Variants in TBL1XR1 observed in about 807,000 individuals in gnomAD.
TBL1XR1 encodes F-box-like/WD repeat-containing protein TBL1XR1.
Under a neutral mutation model 66.9 loss-of-function variants are expected in TBL1XR1, and 5 were observed. The ratio of observed to expected loss-of-function variants is 0.07; its 90% CI spans 0.04 to 0.16. TBL1XR1 has a LOEUF of 0.16. Ranked by LOEUF, TBL1XR1 falls within the 10% of genes least tolerant of loss-of-function variation. The pLI is 1.00. For synonymous variants in TBL1XR1, 210 were observed against 206.0 expected (o/e 1.02, Z -0.17); for missense variants, 238 against 623.2 (o/e 0.38, Z 6.58).
intron 1 of TBL1XR1, among the ~76,000 whole-genome samples, chr3:177,168,755 TTAAAA>T (rs1189117247): frequency 6.6e-6 from 1 of 152,222 alleles, no homozygotes; most frequent in Non-Finnish European, 1.5e-5. Flanking sequence ...AATATTTGTA[TTAAAA>T]TAAAAATTCA....
At chr3:177,159,155 TA>T (rs918873493) in intron 1 of TBL1XR1, among the ~76,000 whole-genome samples, 89 of 143,242 alleles carry the variant, frequency 6.2e-4, no homozygotes, top group Non-Finnish European at 5.8e-4. Flanking sequence ...TCTCAATGGG[TA>T]AAAAAAAAAA....
At chr3:177,197,627 C>G (rs1487513871), upstream of TBL1XR1, among the ~76,000 whole-genome samples, 2 of 112,042 alleles carry the variant, frequency 1.8e-5, no homozygotes, top group African/African-American at 6.6e-5. Flanking sequence ...GCCGGGCGGG[C>G]GGGCGAGCGG....
At chr3:177,190,370 C>A (rs1465271419) in intron 1 of TBL1XR1, among the ~76,000 whole-genome samples, 5 of 152,080 alleles carry the variant, frequency 3.3e-5, no homozygotes, top group Non-Finnish European at 7.3e-5. Flanking sequence ...GGCTGGAGTG[C>A]AGTGGCGCAA....
At chr3:177,078,290 C>T (rs1363631631) in intron 2 of TBL1XR1, among the ~76,000 whole-genome samples, 1 of 152,062 alleles carries the variant, frequency 6.6e-6, no homozygotes, top group Non-Finnish European at 1.5e-5. Flanking sequence ...CTCTCATGCT[C>T]CAGCATATAA....
At chr3:177,180,396 C>A in intron 1 of TBL1XR1, among the ~76,000 whole-genome samples, 1 of 135,244 alleles carries the variant, frequency 7.4e-6, no homozygotes, top group Admixed American at 7.4e-5. Context: ...TTTAATAGTA[C>A]CTTGTCTGTT....
intron 2 of TBL1XR1, among the ~76,000 whole-genome samples, chr3:177,087,227 T>A (rs1016353367): frequency 1.3e-5 from 2 of 149,906 alleles, no homozygotes; most frequent in African/African-American, 2.5e-5. Context: ...CTTTTTTATT[T>A]AAAAAAAAAA....
chr3:177,034,381 A>G, intron 12 of TBL1XR1, 56 bp from the exon 13 acceptor site: 1 of 1,293,232 alleles, frequency 7.7e-7, no homozygotes, highest in Non-Finnish European at 1.0e-6. Flanking sequence ...AGTATATTTA[A>G]AATATTATTT....
Position 177,024,706 on chromosome 3 carries a change from C to CAAAAAAAAAAAAAAA in TBL1XR1, c.*791_*792insTTTTTTTTTTTTTTT, listed in dbSNP as rs1258577255. The CAAAAAAAAAAAAAAA allele has an allele frequency of 2.5e-5, 1 of 40,816 alleles. No individual in the cohort carries two copies. Among genetic ancestry groups the CAAAAAAAAAAAAAAA allele is most frequent in the Non-Finnish European group, 5.0e-5 (1 of 19,842 alleles). 2.5% of individuals were successfully genotyped at this position (40,816 alleles called of 1,614,324 possible). The stretch of plus-strand genomic sequence containing the variant: ...GCATTTAAGCCACATCACCAAAAAA[C>CAAAAAAAAAAAAAAA]AAAAAAGAAAAAAAAAAAAAAAAAG... On this transcript the variant is annotated 3_prime_UTR_variant, in exon 16 of 16. Transcript: ENST00000457928.
At chr3:177,200,942 G>A (rs1304376484), upstream of TBL1XR1, among the ~76,000 whole-genome samples, 1 of 152,064 alleles carries the variant, frequency 6.6e-6, no homozygotes, top group African/African-American at 2.4e-5. Flanking sequence ...TGGAGGCGGA[G>A]GTTGCAGTGA....
chr3:177,118,538 TAA>T (rs1355252760), intron 1 of TBL1XR1, among the ~76,000 whole-genome samples: 2 of 152,150 alleles, frequency 1.3e-5, no homozygotes, highest in Admixed American at 1.3e-4. Context: ...AGAAAGGAAA[TAA>T]AAAGACAGAC....
chr3:177,163,137 C>T (rs1017496921), intron 1 of TBL1XR1, among the ~76,000 whole-genome samples: 3 of 152,106 alleles, frequency 2.0e-5, no homozygotes, highest in African/African-American at 7.2e-5. Context: ...ACTGAGGCAA[C>T]CTGAATATCC....
chr3:177,060,197 C>T (rs1010243371), intron 3 of TBL1XR1, among the ~76,000 whole-genome samples: 5 of 152,288 alleles, frequency 3.3e-5, no homozygotes, highest in Non-Finnish European at 5.9e-5. Flanking sequence ...AGCTCCTTTT[C>T]ATATATACAT....
chr3:177,075,475 C>T (rs1483579400), intron 2 of TBL1XR1, among the ~76,000 whole-genome samples: 1 of 152,174 alleles, frequency 6.6e-6, no homozygotes, highest in Non-Finnish European at 1.5e-5. Context: ...TTTGTGGGGA[C>T]ACAATTCATA....
intron 1 of TBL1XR1, among the ~76,000 whole-genome samples, chr3:177,098,819 C>T (rs1723828201): frequency 6.6e-6 from 1 of 152,118 alleles, no homozygotes. Context: ...CCAGGCAACT[C>T]AACTCATGTA....
intron 1 of TBL1XR1, among the ~76,000 whole-genome samples, chr3:177,170,439 A>G (rs191366500): frequency 1.1e-4 from 17 of 151,314 alleles, no homozygotes; most frequent in Admixed American, 4.0e-4. Flanking sequence ...TTTGCTCTAC[A>G]CTCCACCTGG....
intron 1 of TBL1XR1, among the ~76,000 whole-genome samples, chr3:177,136,988 T>C (rs767700893): frequency 3.3e-5 from 5 of 152,206 alleles, no homozygotes; most frequent in Non-Finnish European, 5.9e-5. Context: ...CACTCACACG[T>C]ATAACCTTAT....
rs1576958972 is a variant in TBL1XR1, at chr3:177,026,557, C to T, written c.1417-83G>A. The T allele has an allele frequency of 8.0e-6, 8 of 1,005,610 alleles. No individual in the cohort carries two copies. The South Asian group carries it at 1.4e-4, about 17-fold the overall frequency. 62.3% of individuals were successfully genotyped at this position (1,005,610 alleles called of 1,614,324 possible). Reference sequence around the variant, plus strand: ...ATGCTGAAATAAAAATATTACATAGCTTTATTTCTAGCAATCAGAGGAGGG... The same window carrying T: ...ATGCTGAAATAAAAATATTACATAGTTTTATTTCTAGCAATCAGAGGAGGG... On this transcript the variant is annotated intron_variant, in intron 14 of 15. Coordinates refer to ENST00000457928, the MANE Select transcript of TBL1XR1 (RefSeq NM_024665.7).
intron 2 of TBL1XR1, among the ~76,000 whole-genome samples, chr3:177,071,668 G>A (rs1259497700): frequency 6.6e-6 from 1 of 152,178 alleles, no homozygotes; most frequent in Admixed American, 6.5e-5. Context: ...CTCAAATCGA[G>A]TGAAGACGAT....
At chr3:177,082,226 T>C (rs566343713) in intron 2 of TBL1XR1, among the ~76,000 whole-genome samples, 1 of 152,250 alleles carries the variant, frequency 6.6e-6, no homozygotes, top group South Asian at 2.1e-4. Context: ...AAAAAAATTA[T>C]TGCAGTATAT....
Sources: allele counts gnomAD v4.1 joint callset (sites outside exome capture counted in the v4.1 genomes callset), GRCh38; gene constraint gnomAD v4.1.1; transcripts MANE v1.5; gene names NCBI Gene and HGNC (gene_info 2026-07-23, HGNC 2026-07-21).